The following HERC3 variants were observed in gnomAD, a reference collection of about 807,000 sequenced individuals.
HERC3 encodes the protein HECT and RLD domain containing E3 ubiquitin protein ligase 3.
A neutral mutation model predicts 129.9 loss-of-function variants in HERC3; 58 were observed. The ratio of observed to expected loss-of-function variants is 0.45; its 90% CI spans 0.36 to 0.56. The LOEUF (loss-of-function observed/expected upper bound fraction) is 0.56, where lower values mean the gene tolerates loss of function less well. Ranked by LOEUF, HERC3 falls within the 20% of genes least tolerant of loss-of-function variation. The pLI is 0.00. For synonymous variants in HERC3, 430 were observed against 451.0 expected, an observed-to-expected ratio of 0.95 and a Z score of 0.59; for missense variants, 835 against 1,244.2, an observed-to-expected ratio of 0.67 and a Z score of 4.95.
chr4:88,648,616 CTCTT>C lies in HERC3; in HGVS notation c.227-1219_227-1216del, dbSNP rs755290558. Among the ~76,000 whole-genome samples the C allele has an allele frequency of 1.3e-4, 20 of 152,084 alleles. No individual in the cohort carries two copies. In the South Asian group the frequency reaches 1.5e-3, roughly 11 times the overall value. On this transcript the variant is annotated intron_variant, in intron 3 of 25. Transcript: ENST00000402738. ...ATGTTCTTTTCTAGAAACTTTTAGA[CTCTT>C]TCTTGTTATTCTGAAATTTCAAGAT...
At chr4:88,597,922 C>G (rs1025893312) in intron 2 of HERC3, 3 of 152,224 alleles carry the variant, frequency 2.0e-5, no homozygotes, top group Non-Finnish European at 4.4e-5. Flanking sequence ...TAAGGCAAGT[C>G]ATTAAAATGA....
intron 23 of HERC3, among the ~76,000 whole-genome samples, chr4:88,694,067 A>G (rs1051885886): frequency 1.3e-5 from 2 of 152,328 alleles, no homozygotes; most frequent in Middle Eastern, 3.4e-3. Context: ...AGAAGTGGCC[A>G]ACAATTCTCT....
chr4:88,691,897 T>C (rs909888617), intron 23 of HERC3, among the ~76,000 whole-genome samples: 3 of 152,262 alleles, frequency 2.0e-5, no homozygotes, highest in African/African-American at 7.2e-5. Flanking sequence ...CACAGATACT[T>C]CTGGCATTGA....
intron 20 of HERC3, 125 bp from the exon 21 acceptor site, chr4:88,681,034 G>A: frequency 6.9e-7 from 1 of 1,448,008 alleles, no homozygotes; most frequent in Non-Finnish European, 9.1e-7. Context: ...TGCTACAGAA[G>A]GTAACTAAAT....
Position 88,686,806 on chromosome 4 carries a change from A to G in HERC3, c.2574+4A>G, listed in dbSNP as rs747264619. ...GACTTTCTGCCTCAACTTCACGGTA[A>G]GAATTTCCACAGTTTACTTAGGATT... On this transcript the variant is annotated splice_donor_region_variant and intron_variant, in intron 22 of 25. Transcript: ENST00000402738. The G allele has an allele frequency of 5.6e-6, 9 of 1,602,978 alleles. No individual in the cohort carries two copies. The Admixed American group carries it at 1.3e-4, about 24-fold the overall frequency.
At chr4:88,619,577 G>A (rs560635916) in intron 3 of HERC3, among the ~76,000 whole-genome samples, 3 of 152,276 alleles carry the variant, frequency 2.0e-5, no homozygotes, top group South Asian at 4.1e-4. Context: ...GGGTTTCAAC[G>A]TGGTCCTGAA....
At chr4:88,595,367 G>A (rs1460051709) in intron 1 of HERC3, among the ~76,000 whole-genome samples, 190 bp from the exon 2 acceptor site, 2 of 151,978 alleles carry the variant, frequency 1.3e-5, no homozygotes, top group African/African-American at 4.8e-5. Flanking sequence ...TTTATAACTG[G>A]TTAGAGGTTA....
At position 88,601,972 on chromosome 4, in the gene HERC3, C is replaced by T. The variant is rs550839598; in HGVS notation, c.-29-3823C>T. On this transcript the variant is annotated intron_variant, in intron 2 of 25. Coordinates refer to ENST00000402738, the MANE Select transcript of HERC3 (RefSeq NM_014606.3). ...TTGGGAGGCTGAGGCAGGAGAATGG[C>T]GTGAACCCGGGAGGCGGAGCTTGCA... Among the ~76,000 whole-genome samples the T allele has an allele frequency of 6.0e-4, 54 of 90,024 alleles. 6 individuals carry two copies. The highest frequency in any genetic ancestry group is 8.7e-4 in the Non-Finnish European group (49 of 56,586). The allele number at this position is 90,024 out of a possible 152,430, so 59.1% of individuals were successfully genotyped here.
At chr4:88,585,826 TAAC>T in the HERC3 span, among the ~76,000 whole-genome samples, 5,086 of 152,274 alleles carry the variant, frequency 0.033, 281 homozygotes, top group East Asian at 0.27. Context: ...GCTTTTTACT[TAAC>T]TAGAAGATTT....
intron 2 of HERC3, among the ~76,000 whole-genome samples, chr4:88,603,027 CTT>C (rs1314431577): frequency 6.6e-6 from 1 of 152,012 alleles, no homozygotes. Context: ...TGTGTCTTAA[CTT>C]TGATAGAAGG....
chr4:88,589,215 A>C (rs1721601891), upstream of HERC3, among the ~76,000 whole-genome samples: 1 of 151,996 alleles, frequency 6.6e-6, no homozygotes, highest in African/African-American at 2.4e-5. Flanking sequence ...TCAGCCTCCC[A>C]AGTAGCTAGG....
chr4:88,651,725 C>T (rs1328712242), intron 4 of HERC3, among the ~76,000 whole-genome samples: 1 of 152,174 alleles, frequency 6.6e-6, no homozygotes, highest in African/African-American at 2.4e-5. Context: ...GCTGGGATTA[C>T]AGGCATGTGC....
At chr4:88,617,650 T>A (rs1367549634) in intron 3 of HERC3, among the ~76,000 whole-genome samples, 1 of 152,068 alleles carries the variant, frequency 6.6e-6, no homozygotes, top group Non-Finnish European at 1.5e-5. Flanking sequence ...GGCAGGTGGA[T>A]CATGAGGTCA....
At chr4:88,546,963 T>TA in the HERC3 span, among the ~76,000 whole-genome samples, 1 of 152,158 alleles carries the variant, frequency 6.6e-6, no homozygotes, top group Non-Finnish European at 1.5e-5. Context: ...AGGGTGATTT[T>TA]AAAAAACTGT....
chr4:88,609,094 C>G (rs1024573328), intron 3 of HERC3, among the ~76,000 whole-genome samples: 5 of 144,250 alleles, frequency 3.5e-5, no homozygotes, highest in African/African-American at 1.3e-4. Flanking sequence ...GGGGACCAGC[C>G]TGGGCAACAT....
chr4:88,590,136 T>C (rs1290527846), upstream of HERC3, among the ~76,000 whole-genome samples: 1 of 151,858 alleles, frequency 6.6e-6, no homozygotes, highest in African/African-American at 2.4e-5. Context: ...GGTGTGGTGG[T>C]GAGCGCCTGT....
At chr4:88,523,854 G>A in the HERC3 span, 1 of 705,304 alleles carries the variant, frequency 1.4e-6, no homozygotes, top group Non-Finnish European at 2.2e-6. Flanking sequence ...CTTTGGTTCC[G>A]AGGGTGCTTC....
At chr4:88,650,704 A>G (rs1274371173) in intron 4 of HERC3, among the ~76,000 whole-genome samples, 1 of 152,210 alleles carries the variant, frequency 6.6e-6, no homozygotes, top group Non-Finnish European at 1.5e-5. Flanking sequence ...TACCACTACT[A>G]TAGTACACAT....
At chr4:88,587,171 C>G in the HERC3 span, among the ~76,000 whole-genome samples, 1 of 151,992 alleles carries the variant, frequency 6.6e-6, no homozygotes, top group Non-Finnish European at 1.5e-5. Flanking sequence ...AAAAGGTGGC[C>G]GTAAAGTCTG....
Sources: gnomAD v4.1 joint callset for allele counts (sites outside exome capture counted in the v4.1 genomes callset) on GRCh38, gnomAD v4.1.1 for gene constraint, MANE v1.5 for transcripts, NCBI Gene and HGNC (gene_info 2026-07-23, HGNC 2026-07-21) for gene names.